Variants in GNL3L observed in about 807,000 individuals in gnomAD.
The protein encoded by GNL3L is guanine nucleotide-binding protein-like 3-like protein.
In GNL3L, 4 loss-of-function variants were observed where a neutral mutation model predicts 42.9. The observed-to-expected ratio is 0.09, with a 90% CI of 0.05 to 0.21. The LOEUF (loss-of-function observed/expected upper bound fraction) is 0.21, where lower values mean the gene tolerates loss of function less well. Among genes scored for constraint, GNL3L ranks in the 10% least tolerant of loss-of-function variants. GNL3L has a pLI of 1.00. For missense variants in GNL3L, 412 were observed against 481.7 expected (o/e 0.86, Z 1.36); for synonymous variants, 159 against 176.3 (o/e 0.90, Z 0.78).
At chrX:54,568,642 C>T (rs968908780), downstream of GNL3L, among the ~76,000 whole-genome samples, 1 of 110,359 alleles carries the variant, frequency 9.1e-6, no homozygotes, top group African/African-American at 3.3e-5. Flanking sequence ...CAACCTCTGC[C>T]TCCTGGGTTC....
At chrX:54,541,533 A>G in intron 5 of GNL3L, 144 bp downstream of exon 5, 1 of 242,463 alleles carries the variant, frequency 4.1e-6, no homozygotes, top group East Asian at 1.2e-4. Context: ...GGACGGACGA[A>G]GGGAGGGAGG....
intron 16 of GNL3L, among the ~76,000 whole-genome samples, chrX:54,612,458 C>G (rs1569542672): frequency 9.0e-6 from 1 of 111,205 alleles, no homozygotes; most frequent in African/African-American, 3.3e-5. Context: ...TTTTTGTTGC[C>G]CATGTACTTT....
chrX:54,548,386 G>A lies in GNL3L; in HGVS notation c.775+13G>A. The A allele has an allele frequency of 4.2e-6, 5 of 1,183,509 alleles. No homozygotes were observed. Among genetic ancestry groups the A allele is most frequent in the Non-Finnish European group, 5.7e-6 (5 of 872,427 alleles). ...GTGGGTGTTGTGGGTAAGACCTGCT[G>A]TGTGGTCATGGGGCTCAGGCTTCTT... On this transcript the variant is annotated intron_variant, in intron 9 of 15. Coordinates refer to ENST00000360845, the MANE Select transcript of GNL3L (RefSeq NM_001184819.2).
chrX:54,567,991 C>T (rs1925483881), downstream of GNL3L, among the ~76,000 whole-genome samples: 1 of 95,516 alleles, frequency 1.0e-5, no homozygotes, highest in Non-Finnish European at 2.0e-5. Flanking sequence ...TTTTGTGAGA[C>T]GGAGTCTCAC....
the GNL3L span, among the ~76,000 whole-genome samples, chrX:54,642,353 C>T: frequency 9.0e-6 from 1 of 110,750 alleles, no homozygotes; most frequent in South Asian, 3.9e-4. Flanking sequence ...CATATAAAAA[C>T]AAAAGCAATC....
chrX:54,625,205 TTCTTG>T (rs1330466326), downstream of GNL3L, among the ~76,000 whole-genome samples: 1 of 111,081 alleles, frequency 9.0e-6, no homozygotes, highest in African/African-American at 3.3e-5. Context: ...AGAGAGGGCA[TTCTTG>T]TCTTGTTCCT....
At chrX:54,559,618 G>T (rs1255656071) in intron 15 of GNL3L, among the ~76,000 whole-genome samples, 7 of 111,920 alleles carry the variant, frequency 6.3e-5, no homozygotes, top group Admixed American at 2.9e-4. Flanking sequence ...ACATTGTGTA[G>T]CTGGCCCATT....
chrX:54,569,315 C>T (rs1015821752), downstream of GNL3L, among the ~76,000 whole-genome samples: 11 of 111,273 alleles, frequency 9.9e-5, no homozygotes, highest in African/African-American at 3.6e-4. Context: ...TAGAGTTTAC[C>T]AGTAAGTTTT....
intron 16 of GNL3L, among the ~76,000 whole-genome samples, chrX:54,619,212 T>C (rs1048826183): frequency 2.7e-5 from 3 of 111,126 alleles, no homozygotes; most frequent in South Asian, 3.8e-4. Context: ...CAATAAGGAA[T>C]TGGAAATAAT....
rs1463202916 is a variant in GNL3L, at chrX:54,543,014, G to A, written c.366G>A (p.Lys122=). The A allele has an allele frequency of 1.7e-6, 2 of 1,184,865 alleles. No individual in the cohort carries two copies. The highest frequency in any genetic ancestry group is 1.8e-5 in the African/African-American group (1 of 56,492). The change falls in exon 6 of 16, where the codon AAG becomes AAA. Residue 122 remains lysine, a synonymous_variant. Transcript: ENST00000360845. The stretch of plus-strand genomic sequence containing the variant: ...AGCTGGATGACGAGGCCACGAGGAA[G>A]GCTTATTACAAGGAGTTCCGTAAGG... ...FPQLDDEATR[K]AYYKEFRKVV...
At chrX:54,614,462 C>G (rs1450311769) in intron 16 of GNL3L, among the ~76,000 whole-genome samples, 1 of 110,973 alleles carries the variant, frequency 9.0e-6, no homozygotes, top group Non-Finnish European at 1.9e-5. Flanking sequence ...CAAATTGTTA[C>G]AAAGTTCATC....
At chrX:54,591,032 T>C (rs112902233) in intron 16 of GNL3L, among the ~76,000 whole-genome samples, 16,091 of 109,631 alleles carry the variant, frequency 0.15, 1,952 homozygotes, top group African/African-American at 0.4. Context: ...GGTTTTGCCA[T>C]GTTAGCCAGG....
At chrX:54,568,784 A>G (rs368170468), downstream of GNL3L, among the ~76,000 whole-genome samples, 1 of 111,589 alleles carries the variant, frequency 9.0e-6, no homozygotes, top group Non-Finnish European at 1.9e-5. Context: ...TGAACTCCTG[A>G]CCTCATGATC....
At position 54,541,343 on chromosome X, in the gene GNL3L, G is replaced by C. The variant is rs1924609962; in HGVS notation, c.260G>C (p.Ser87Thr). ...QERQKRRTIE[S>T]YCQDVLRRQE... is the part of the protein sequence containing the mutation. ...AGACAAAAACGCAGGACCATTGAGA[G>C]CTACTGTCAGGATGTCCTAAGACGC... The change falls in exon 5 of 16, where the codon AGC (serine) becomes ACC (threonine). Residue 87 changes from serine (S) to threonine (T), a missense_variant. Physicochemically the swap from Ser to Thr is moderately conservative, Grantham distance 58. Transcript: ENST00000360845. The C allele has an allele frequency of 8.3e-7, 1 of 1,208,183 alleles. No homozygotes were observed.
chrX:54,585,120 C>T (rs1925766952), intron 16 of GNL3L, among the ~76,000 whole-genome samples: 1 of 111,738 alleles, frequency 8.9e-6, no homozygotes, highest in Non-Finnish European at 1.9e-5. Context: ...GTTCTTTTTT[C>T]ACCAATCTTC....
In GNL3L at chrX:54,532,596, T is replaced by C; in HGVS notation, c.19+11T>C. On this transcript the variant is annotated intron_variant, in intron 2 of 15. Coordinates refer to ENST00000360845, the MANE Select transcript of GNL3L (RefSeq NM_001184819.2). ...TGAAACTTAGACACAGTGAGTTTCC[T>C]TTACCACCCCTCCCAATCCTGTGCT... The C allele has an allele frequency of 1.7e-6, 2 of 1,149,003 alleles. No individual in the cohort carries two copies. The highest frequency in any genetic ancestry group is 2.4e-6 in the Non-Finnish European group (2 of 838,128). The allele number at this position is 1,149,003 out of a possible 1,213,427, so 94.7% of individuals were successfully genotyped here.
chrX:54,621,147 T>C (rs905180858), exon 17 of GNL3L, among the ~76,000 whole-genome samples: 4 of 112,090 alleles, frequency 3.6e-5, no homozygotes, highest in African/African-American at 1.3e-4. Flanking sequence ...TCTTTGAATA[T>C]GAGTGGGCTT....
intron 13 of GNL3L, among the ~76,000 whole-genome samples, chrX:54,553,858 T>TA (rs1472024059): frequency 3.6e-5 from 4 of 111,619 alleles, no homozygotes; most frequent in Admixed American, 2.9e-4. Context: ...CCTCTTCTGT[T>TA]AAATAGGGCA....
downstream of GNL3L, among the ~76,000 whole-genome samples, chrX:54,568,602 G>C (rs1219684586): frequency 9.6e-6 from 1 of 104,281 alleles, no homozygotes; most frequent in African/African-American, 3.6e-5. Context: ...CGCCCAGGCT[G>C]TTGTGCAGTG....
Sources: gnomAD v4.1 joint callset for allele counts (sites outside exome capture counted in the v4.1 genomes callset) on GRCh38, gnomAD v4.1.1 for gene constraint, MANE v1.5 for transcripts, NCBI Gene and HGNC (gene_info 2026-07-23, HGNC 2026-07-21) for gene names.